The following PCDHA10 variants were observed in gnomAD, a reference collection of about 807,000 sequenced individuals.
The protein encoded by PCDHA10 is protocadherin alpha-10.
In PCDHA10, 45 loss-of-function variants were observed where a neutral mutation model predicts 61.2. The ratio of observed to expected loss-of-function variants is 0.74; its 90% CI spans 0.58 to 0.94. PCDHA10 has a LOEUF of 0.94. PCDHA10 is among the 40% of genes least tolerant of loss of function. PCDHA10 has a pLI of 0.00. For missense variants in PCDHA10, 1,278 were observed against 1,236.2 expected (o/e 1.03, Z -0.51); for synonymous variants, 602 against 548.8 (o/e 1.10, Z -1.35).
chr5:140,912,851 A>C lies in PCDHA10; in HGVS notation c.2388+54415A>C, dbSNP rs564747882. ...TTTTATTAAATGCTTTTTCAGCATCAATTGAAATGATATATGGTTTTTGGT... is the reference window on the plus strand; with the variant it reads ...TTTTATTAAATGCTTTTTCAGCATCCATTGAAATGATATATGGTTTTTGGT... On this transcript the variant is annotated intron_variant, in intron 1 of 3. Coordinates refer to ENST00000307360, the MANE Select transcript of PCDHA10 (RefSeq NM_018901.4). Among the ~76,000 whole-genome samples, 3 of 152,328 alleles carry C rather than the reference A, an allele frequency of 2.0e-5. No individual in the cohort carries two copies. The South Asian group carries it at 6.2e-4, about 32-fold the overall frequency.
At chr5:140,880,068 A>G (rs2058226577) in intron 1 of PCDHA10, among the ~76,000 whole-genome samples, 1 of 152,252 alleles carries the variant, frequency 6.6e-6, no homozygotes, top group South Asian at 2.1e-4. Flanking sequence ...TTTGGGGACC[A>G]CAATTCAACC....
intron 1 of PCDHA10, chr5:140,871,028 C>T (rs782198197): frequency 1.2e-5 from 20 of 1,613,116 alleles, no homozygotes; most frequent in Admixed American, 1.7e-5. Context: ...GCAGACTCGC[C>T]GCGCCACCGA....
chr5:140,868,950 C>T, intron 1 of PCDHA10: 2 of 1,308,056 alleles, frequency 1.5e-6, no homozygotes, highest in Admixed American at 5.4e-5. Flanking sequence ...AACAGTGAGG[C>T]ACTCCCATAC....
chr5:140,989,609 T>C (rs782186182), intron 3 of PCDHA10, among the ~76,000 whole-genome samples: 4 of 152,178 alleles, frequency 2.6e-5, no homozygotes, highest in Non-Finnish European at 5.9e-5. Flanking sequence ...AAACTAAAAA[T>C]GAAAGTCTGT....
intron 1 of PCDHA10, chr5:140,929,268 AAT>A (rs782372972): frequency 7.4e-6 from 12 of 1,611,594 alleles, no homozygotes; most frequent in Non-Finnish European, 1.0e-5. Flanking sequence ...TGAATTTGCC[AAT>A]ATCCTGTATT....
At chr5:140,990,772 C>T (rs1554251728) in intron 3 of PCDHA10, among the ~76,000 whole-genome samples, 1 of 152,164 alleles carries the variant, frequency 6.6e-6, no homozygotes, top group African/African-American at 2.4e-5. Context: ...AAATTTGGCT[C>T]TGTGTTGGAC....
At chr5:140,862,623 G>T in intron 1 of PCDHA10, 1 of 531,204 alleles carries the variant, frequency 1.9e-6, no homozygotes, top group Non-Finnish European at 3.8e-6. Context: ...ACAACCCGCG[G>T]GGCTGCCACG....
Position 140,968,026 on chromosome 5 carries a change from A to G in PCDHA10, c.2389-10923A>G, listed in dbSNP as rs570318168. 9.3e-6 allele frequency: 15 copies of G among 1,614,066 alleles called. No individual in the cohort carries two copies. In the Admixed American group the frequency reaches 1.8e-4, roughly 20 times the overall value. On this transcript the variant is annotated intron_variant, in intron 1 of 3. Transcript: ENST00000307360. ...TGAATGGCTTTGGAAACTCCTATACACTGGTGGTGAGCGGCCCACTGGACC... is the reference window on the plus strand; with the variant it reads ...TGAATGGCTTTGGAAACTCCTATACGCTGGTGGTGAGCGGCCCACTGGACC...
At chr5:140,864,452 T>C (rs1368510551) in intron 1 of PCDHA10, 1 of 152,266 alleles carries the variant, frequency 6.6e-6, no homozygotes, top group East Asian at 1.9e-4. Context: ...TCATGATCAA[T>C]ATCCATCTTT....
chr5:140,926,223 TAGA>T, intron 1 of PCDHA10: 1 of 152,200 alleles, frequency 6.6e-6, no homozygotes, highest in Non-Finnish European at 1.5e-5. Flanking sequence ...TCCTTAAGCC[TAGA>T]AGGTGTGGTC....
At chr5:140,992,805 A>G (rs2097529327) in intron 3 of PCDHA10, among the ~76,000 whole-genome samples, 1 of 152,078 alleles carries the variant, frequency 6.6e-6, no homozygotes, top group Non-Finnish European at 1.5e-5. Flanking sequence ...ATCCATATGT[A>G]TCTAAGGATG....
At chr5:140,918,348 G>A (rs1184826451) in intron 1 of PCDHA10, among the ~76,000 whole-genome samples, 1 of 152,138 alleles carries the variant, frequency 6.6e-6, no homozygotes, top group Non-Finnish European at 1.5e-5. Context: ...GAGATAGGTT[G>A]ACTTCCTCTC....
intron 1 of PCDHA10, chr5:140,877,110 C>A (rs1554169339): frequency 1.1e-5 from 18 of 1,613,500 alleles, no homozygotes; most frequent in Middle Eastern, 1.7e-4. Flanking sequence ...CGCCTCTGGG[C>A]AGCAACGTGA....
intron 1 of PCDHA10, among the ~76,000 whole-genome samples, chr5:140,962,643 T>G (rs1456773642): frequency 6.6e-6 from 1 of 152,222 alleles, no homozygotes; most frequent in Non-Finnish European, 1.5e-5. Context: ...GCCATCAAGT[T>G]ATGTGAAAAC....
Position 140,856,807 on chromosome 5 carries a change from T to C in PCDHA10, c.759T>C (p.Asn253=). 6.3e-7 allele frequency: 1 copy of C among 1,594,936 alleles called. No homozygotes were observed. Among genetic ancestry groups the C allele is most frequent in the Non-Finnish European group, 8.6e-7 (1 of 1,165,062 alleles). Residue 253 remains asparagine (N), a synonymous_variant, in exon 1 of 4, where the codon AAT becomes AAC. Coordinates refer to ENST00000307360, the MANE Select transcript of PCDHA10 (RefSeq NM_018901.4). The part of the protein sequence containing the change: ...RPVYEVKMYE[N]QVNQTLVIRL... Reference sequence around the variant, plus strand: ...TTTATGAAGTTAAGATGTATGAAAATCAAGTGAACCAAACATTAGTAATAC... The same window carrying C: ...TTTATGAAGTTAAGATGTATGAAAACCAAGTGAACCAAACATTAGTAATAC...
intron 1 of PCDHA10, among the ~76,000 whole-genome samples, chr5:140,899,694 T>G (rs961067519): frequency 2.0e-5 from 3 of 152,236 alleles, no homozygotes; most frequent in African/African-American, 4.8e-5. Flanking sequence ...GCTGGCCTCA[T>G]AAAATGAGTT....
intron 1 of PCDHA10, among the ~76,000 whole-genome samples, chr5:140,974,046 GATA>G (rs1554235775): frequency 6.6e-6 from 1 of 152,184 alleles, no homozygotes; most frequent in African/African-American, 2.4e-5. Context: ...TTATTAATAT[GATA>G]ATATTTGGAG....
intron 1 of PCDHA10, chr5:140,928,400 C>G: frequency 6.2e-7 from 1 of 1,614,038 alleles, no homozygotes; most frequent in Non-Finnish European, 8.5e-7. Flanking sequence ...GTGGAATCAT[C>G]CAGTGGGGCC....
intron 1 of PCDHA10, among the ~76,000 whole-genome samples, chr5:140,935,915 CAG>C (rs2090644404): frequency 7.6e-6 from 1 of 131,048 alleles, no homozygotes; most frequent in Non-Finnish European, 1.6e-5. Flanking sequence ...TTTTTTGAGA[CAG>C]ATTCTCATTC....
Sources: gnomAD v4.1 joint callset for allele counts (sites outside exome capture counted in the v4.1 genomes callset) on GRCh38, gnomAD v4.1.1 for gene constraint, MANE v1.5 for transcripts, NCBI Gene and HGNC (gene_info 2026-07-23, HGNC 2026-07-21) for gene names.